CTNND2: variants seen among roughly 807,000 people sequenced by gnomAD.
CTNND2 encodes catenin delta-2.
CTNND2 carries 22 observed loss-of-function variants against 144.4 expected under a neutral mutation model. The ratio of observed to expected loss-of-function variants is 0.15; its 90% confidence interval spans 0.11 to 0.22. CTNND2 has a LOEUF of 0.22. Among genes scored for constraint, CTNND2 ranks in the 10% least tolerant of loss-of-function variants. The pLI is 1.00. For missense variants in CTNND2, 1,353 were observed against 1,618.8 expected, an observed-to-expected ratio of 0.84 and a Z score of 2.82; for synonymous variants, 751 against 695.6, an observed-to-expected ratio of 1.08 and a Z score of -1.25.
At chr5:11,869,968 C>T (rs967052943) in intron 1 of CTNND2, among the ~76,000 whole-genome samples, 5 of 152,112 alleles carry the variant, frequency 3.3e-5, no homozygotes, top group African/African-American at 9.7e-5. Context: ...AAAATGTCTG[C>T]ACCTTGAGAA....
chr5:11,018,536 G>A (rs1426044767), intron 17 of CTNND2, among the ~76,000 whole-genome samples: 1 of 152,124 alleles, frequency 6.6e-6, no homozygotes, highest in Non-Finnish European at 1.5e-5. Flanking sequence ...GAATGCAAAG[G>A]AAAAGTTCTT....
intron 3 of CTNND2, among the ~76,000 whole-genome samples, chr5:11,442,249 C>T (rs1764333991): frequency 6.6e-6 from 1 of 152,022 alleles, no homozygotes; most frequent in Admixed American, 6.6e-5. Context: ...TCTTACTAGC[C>T]ACTGGCTTTT....
intron 1 of CTNND2, among the ~76,000 whole-genome samples, chr5:11,766,974 T>A (rs1789628516): frequency 6.6e-6 from 1 of 152,114 alleles, no homozygotes; most frequent in Non-Finnish European, 1.5e-5. Context: ...TCTCCTTGCA[T>A]GCCAGAGCTC....
intron 1 of CTNND2, among the ~76,000 whole-genome samples, chr5:11,817,983 T>TC (rs937088977): frequency 2.4e-5 from 1 of 42,074 alleles, no homozygotes; most frequent in East Asian, 5.3e-4. Context: ...TATGAGGTGT[T>TC]TTTTTTTTTT....
chr5:11,767,072 C>T (rs1317272793), intron 1 of CTNND2, among the ~76,000 whole-genome samples: 2 of 152,038 alleles, frequency 1.3e-5, no homozygotes, highest in Non-Finnish European at 2.9e-5. Context: ...AGTTAGTACA[C>T]CAGCAGCATT....
At chr5:11,291,988 A>G (rs1748400378) in intron 9 of CTNND2, among the ~76,000 whole-genome samples, 1 of 152,076 alleles carries the variant, frequency 6.6e-6, no homozygotes, top group East Asian at 1.9e-4. Context: ...TCCACCCCAT[A>G]GACCCTGCTC....
intron 9 of CTNND2, among the ~76,000 whole-genome samples, chr5:11,259,219 C>T (rs1167679006): frequency 6.6e-6 from 1 of 152,192 alleles, no homozygotes; most frequent in Non-Finnish European, 1.5e-5. Context: ...CTTGCTAACT[C>T]CCACAAATGC....
intron 2 of CTNND2, among the ~76,000 whole-genome samples, chr5:11,705,546 G>A (rs1785652905): frequency 1.3e-5 from 2 of 152,162 alleles, no homozygotes. Flanking sequence ...ATATATCTGA[G>A]TAGTGAGAGA....
chr5:11,530,415 G>T (rs7735861), intron 3 of CTNND2, among the ~76,000 whole-genome samples: 28,151 of 152,036 alleles, frequency 0.19, 2,906 homozygotes, highest in Admixed American at 0.28. Context: ...TGGCCTGTGT[G>T]TGTGATTTGG....
intron 3 of CTNND2, among the ~76,000 whole-genome samples, chr5:11,455,095 G>A (rs1449005557): frequency 6.6e-6 from 1 of 151,550 alleles, no homozygotes; most frequent in Non-Finnish European, 1.5e-5. Flanking sequence ...GAACTTCTGG[G>A]TTTTTGGTTG....
chr5:11,882,665 TTTTTATAACAGTACTATA>T (rs1736213406), intron 1 of CTNND2, among the ~76,000 whole-genome samples: 1 of 152,104 alleles, frequency 6.6e-6, no homozygotes. Context: ...TATGTGTCTG[TTTTTATAACAGTACTATA>T]GCTTACTACA....
At chr5:11,230,976 C>G (rs761935404) in intron 10 of CTNND2, among the ~76,000 whole-genome samples, 7 of 152,058 alleles carry the variant, frequency 4.6e-5, no homozygotes, top group Non-Finnish European at 7.4e-5. Flanking sequence ...TGTCCCCACC[C>G]AAATCTCACT....
intron 1 of CTNND2, among the ~76,000 whole-genome samples, chr5:11,865,123 G>A (rs923131980): frequency 1.2e-4 from 18 of 152,074 alleles, no homozygotes; most frequent in Non-Finnish European, 1.8e-4. Context: ...TCAAACTCCC[G>A]ACCTCAGGTG....
At chr5:11,153,135 G>A (rs1002625839) in intron 12 of CTNND2, among the ~76,000 whole-genome samples, 4 of 152,148 alleles carry the variant, frequency 2.6e-5, no homozygotes, top group Non-Finnish European at 4.4e-5. Flanking sequence ...GTGGTGGTAT[G>A]TATGTAGTCC....
Position 11,098,760 on chromosome 5 carries a change from A to G in CTNND2, c.2464-12T>C. On this transcript the variant is annotated splice_polypyrimidine_tract_variant and intron_variant, in intron 14 of 21. Transcript: ENST00000304623. The stretch of plus-strand genomic sequence containing the variant: ...CCTACTCCATCCCACTGGCGGAAGA[A>G]AAACAAGAGAGCAAACATCTTTAAC... 1 of 1,611,020 alleles carries G rather than the reference A, an allele frequency of 6.2e-7. No individual in the cohort carries two copies. Among genetic ancestry groups the G allele is most frequent in the East Asian group, 2.2e-5 (1 of 44,860 alleles).
intron 9 of CTNND2, among the ~76,000 whole-genome samples, chr5:11,316,468 TTTATTATTATTATTATTATTA>T (rs57708081): frequency 1.4e-5 from 1 of 73,380 alleles, no homozygotes; most frequent in South Asian, 4.3e-4. Flanking sequence ...TCCACTATTT[TTTATTATTATTATTATTATTA>T]TTATTATTAT....
At chr5:11,236,962 G>A (rs1741706242) in intron 9 of CTNND2, 139 bp from the exon 10 acceptor site, 3 of 809,934 alleles carry the variant, frequency 3.7e-6, no homozygotes, top group African/African-American at 1.7e-5. Context: ...TTTCTTACAT[G>A]CAGACCCATT....
chr5:11,053,862 A>G (rs1350826011), intron 16 of CTNND2, among the ~76,000 whole-genome samples: 1 of 152,220 alleles, frequency 6.6e-6, no homozygotes, highest in Non-Finnish European at 1.5e-5. Context: ...TCATTGTTCC[A>G]TTATTTACCA....
intron 3 of CTNND2, among the ~76,000 whole-genome samples, chr5:11,488,113 AAACATCTGATTATCT>A (rs1769013948): frequency 6.6e-6 from 1 of 152,228 alleles, no homozygotes; most frequent in South Asian, 2.1e-4. Flanking sequence ...CCTATGATCT[AAACATCTGATTATCT>A]AAGAAAATAC....
Sources: gnomAD v4.1 joint callset for allele counts (sites outside exome capture counted in the v4.1 genomes callset) on GRCh38, gnomAD v4.1.1 for gene constraint, MANE v1.5 for transcripts, NCBI Gene and HGNC (gene_info 2026-07-23, HGNC 2026-07-21) for gene names.